FNDC3A: variants seen among roughly 807,000 people sequenced by gnomAD.
FNDC3A encodes the protein fibronectin type III domain containing 3A.
FNDC3A carries 32 observed loss-of-function variants against 148.9 expected under a neutral mutation model. The observed-to-expected ratio is 0.21, with a 90% CI of 0.16 to 0.29. The LOEUF is 0.29. Ranked by LOEUF, FNDC3A falls within the 10% of genes least tolerant of loss-of-function variation. The pLI is 1.00. For missense variants in FNDC3A, 1,191 were observed against 1,452.8 expected, an observed-to-expected ratio of 0.82 and a Z score of 2.93; for synonymous variants, 472 against 473.6, an observed-to-expected ratio of 1.00 and a Z score of 0.04.
In FNDC3A at chr13:49,197,776, G is replaced by A. The variant is rs1593743337; in HGVS notation, c.2392G>A (p.Gly798Arg). The change falls in exon 21 of 26, where the codon GGA (glycine) becomes AGA (arginine). Residue 798 changes from glycine to arginine, a missense_variant. By Grantham distance (125) the Gly-to-Arg change is moderately radical. This residue lies in a region of FNDC3A where 751 missense variants were observed against 944.0 expected (regional missense o/e 0.80). Coordinates refer to ENST00000492622, the MANE Select transcript of FNDC3A (RefSeq NM_001079673.2). The stretch of plus-strand genomic sequence containing the variant: ...CACTGAATATCGACTGGAGTGGGGA[G>A]GAGTTGAAGGAAGTATGCAGATATG... ...DVTEYRLEWG[G>R]VEGSMQICYC... 6.2e-7 allele frequency: 1 copy of A among 1,610,618 alleles called. No homozygotes were observed. Among genetic ancestry groups the A allele is most frequent in the South Asian group, 1.1e-5 (1 of 90,112 alleles).
chr13:49,108,126 T>C (rs1015038835), intron 3 of FNDC3A, among the ~76,000 whole-genome samples: 2 of 152,136 alleles, frequency 1.3e-5, no homozygotes, highest in African/African-American at 4.8e-5. Flanking sequence ...AGTAATAAGT[T>C]CCAGGATGTA....
Position 49,168,616 on chromosome 13 carries a change from C to T in FNDC3A, c.1041C>T (p.Val347=), listed in dbSNP as rs1441624866. ...ACTATTTATTTTATCACCATAGAGT[C>T]CAGGCAGAATATAATTCTATAAAGG... ...LKPAMDYHAK[V]QAEYNSIKGT... is the part of the protein sequence containing the mutation. Residue 347 remains valine, a synonymous_variant, in exon 10 of 26, where the codon GTC becomes GTT. Coordinates refer to ENST00000492622, the MANE Select transcript of FNDC3A (RefSeq NM_001079673.2). The T allele has an allele frequency of 9.3e-6, 15 of 1,608,058 alleles. No homozygotes were observed. The highest frequency in any genetic ancestry group is 4.0e-5 in the African/African-American group (3 of 74,762).
chr13:48,992,772 G>T (rs2137570077), intron 1 of FNDC3A, among the ~76,000 whole-genome samples: 1 of 152,086 alleles, frequency 6.6e-6, no homozygotes, highest in Middle Eastern at 3.4e-3. Context: ...GTATTAGGTT[G>T]GTGCGAAAGT....
At position 49,043,019 on chromosome 13, in the gene FNDC3A, A is replaced by C. The variant is rs550881085; in HGVS notation, c.100-32270A>C. 5.3e-5 allele frequency among the ~76,000 whole-genome samples: 8 copies of C among 152,222 alleles called. No individual in the cohort carries two copies. In the East Asian group the frequency reaches 1.5e-3, roughly 29 times the overall value. On this transcript the variant is annotated intron_variant, in intron 2 of 25. Coordinates refer to ENST00000492622, the MANE Select transcript of FNDC3A (RefSeq NM_001079673.2). ...CACCAAGACTGGAATGCAGTGGTAC[A>C]ATCAAGGCTCACTTCAGCCTTGACC...
chr13:48,993,106 G>A (rs1025955645), intron 1 of FNDC3A, among the ~76,000 whole-genome samples: 3 of 152,114 alleles, frequency 2.0e-5, no homozygotes, highest in Non-Finnish European at 4.4e-5. Context: ...CTTATCCTTA[G>A]ATCAGTATTT....
chr13:48,976,718 A>T (rs1029181137), intron 1 of FNDC3A: 4 of 152,256 alleles, frequency 2.6e-5, no homozygotes, highest in African/African-American at 9.6e-5. Context: ...TTCCCCGCTC[A>T]TCTTGGGGTT....
At position 49,012,805 on chromosome 13, in the gene FNDC3A, A is replaced by ATGTGTGTGTGTGTGTGTGTG. The variant is rs61137549; in HGVS notation, c.99+6532_99+6551dup. On this transcript the variant is annotated intron_variant, in intron 2 of 25. Coordinates refer to ENST00000492622, the MANE Select transcript of FNDC3A (RefSeq NM_001079673.2). ...CTTGGGTTTTTATATGCAATTATAA[A>ATGTGTGTGTGTGTGTGTGTG]TGTGTGTGTGTGTGTGTGTGTGTGT... 4.7e-3 allele frequency among the ~76,000 whole-genome samples: 630 copies of ATGTGTGTGTGTGTGTGTGTG among 134,592 alleles called. 4 individuals carry two copies. Among genetic ancestry groups the ATGTGTGTGTGTGTGTGTGTG allele is most frequent in the Middle Eastern group, 7.5e-3 (2 of 266 alleles). The allele number at this position is 134,592 out of a possible 152,430, so 88.3% of individuals were successfully genotyped here.
At chr13:49,043,070 C>T (rs1875071689) in intron 2 of FNDC3A, among the ~76,000 whole-genome samples, 1 of 151,850 alleles carries the variant, frequency 6.6e-6, no homozygotes, top group Non-Finnish European at 1.5e-5. Flanking sequence ...ATCCTCCCAC[C>T]TCAGCCTCCC....
intron 2 of FNDC3A, among the ~76,000 whole-genome samples, chr13:49,048,704 A>G (rs1229556640): frequency 1.3e-5 from 2 of 152,176 alleles, no homozygotes; most frequent in African/African-American, 4.8e-5. Flanking sequence ...CTACAGTTCT[A>G]GGAGCTTTTT....
chr13:49,158,662 C>T (rs1883884149), intron 8 of FNDC3A, among the ~76,000 whole-genome samples: 1 of 152,204 alleles, frequency 6.6e-6, no homozygotes, highest in Non-Finnish European at 1.5e-5. Context: ...GTTGCCATTG[C>T]TTTCGGTGTT....
chr13:49,152,250 C>T (rs1017471926), intron 8 of FNDC3A, among the ~76,000 whole-genome samples: 5 of 152,202 alleles, frequency 3.3e-5, no homozygotes, highest in African/African-American at 1.2e-4. Context: ...TGTTTCCTGA[C>T]TTTTTAATGA....
chr13:48,999,912 C>G (rs1952094506), intron 1 of FNDC3A, among the ~76,000 whole-genome samples: 1 of 152,196 alleles, frequency 6.6e-6, no homozygotes, highest in Non-Finnish European at 1.5e-5. Context: ...CTTAAACTTC[C>G]CAGCCTCCAG....
At chr13:49,123,853 C>G (rs973185169) in intron 4 of FNDC3A, among the ~76,000 whole-genome samples, 1 of 152,114 alleles carries the variant, frequency 6.6e-6, no homozygotes, top group Non-Finnish European at 1.5e-5. Flanking sequence ...ACCACAGATG[C>G]TGGAGAGATG....
intron 2 of FNDC3A, among the ~76,000 whole-genome samples, chr13:49,058,682 A>G (rs1330963664): frequency 6.6e-6 from 1 of 152,222 alleles, no homozygotes; most frequent in East Asian, 1.9e-4. Flanking sequence ...CTTCAGAACT[A>G]TGAGAAAACG....
At chr13:49,058,340 A>C (rs1876408576) in intron 2 of FNDC3A, among the ~76,000 whole-genome samples, 1 of 152,138 alleles carries the variant, frequency 6.6e-6, no homozygotes, top group African/African-American at 2.4e-5. Context: ...TTATGCAAAT[A>C]ACCGATTAGG....
intron 1 of FNDC3A, among the ~76,000 whole-genome samples, chr13:48,979,594 G>A (rs1951662889): frequency 6.6e-6 from 1 of 152,082 alleles, no homozygotes. Flanking sequence ...AGGAAAATAG[G>A]CAGAGCTGGA....
At chr13:49,166,806 G>T (rs1467161118) in intron 8 of FNDC3A, among the ~76,000 whole-genome samples, 1 of 152,124 alleles carries the variant, frequency 6.6e-6, no homozygotes, top group Non-Finnish European at 1.5e-5. Context: ...TGTTCAAAGT[G>T]TAACATTTTA....
At chr13:49,102,722 C>CA (rs1364496346) in intron 3 of FNDC3A, among the ~76,000 whole-genome samples, 6 of 152,154 alleles carry the variant, frequency 3.9e-5, no homozygotes, top group African/African-American at 1.4e-4. Context: ...TAGGAATAAA[C>CA]ACAGAGGATG....
At chr13:49,091,863 C>T (rs2137818509) in intron 3 of FNDC3A, among the ~76,000 whole-genome samples, 1 of 152,316 alleles carries the variant, frequency 6.6e-6, no homozygotes, top group Non-Finnish European at 1.5e-5. Context: ...TGCTGCCATG[C>T]ATAAACCACT....
Sources: gnomAD v4.1 joint callset for allele counts (sites outside exome capture counted in the v4.1 genomes callset) on GRCh38, gnomAD v4.1.1 for gene constraint, gnomAD v4.1.1 regional missense constraint, MANE v1.5 for transcripts, NCBI Gene and HGNC (gene_info 2026-07-23, HGNC 2026-07-21) for gene names.